MAP2: variants seen among roughly 807,000 people sequenced by gnomAD.
MAP2 encodes microtubule-associated protein 2.
In MAP2, 14 loss-of-function variants were observed where a neutral mutation model predicts 137.6. The ratio of observed to expected loss-of-function variants is 0.10; its 90% CI spans 0.07 to 0.16. The LOEUF is 0.16. Among genes scored for constraint, MAP2 ranks in the 10% least tolerant of loss-of-function variants. MAP2 has a pLI of 1.00. For synonymous variants in MAP2, 786 were observed against 782.3 expected, an observed-to-expected ratio of 1.00 and a Z score of -0.08; for missense variants, 2,088 against 2,191.5, an observed-to-expected ratio of 0.95 and a Z score of 0.94.
chr2:209,592,097 C>G (rs140473370), intron 3 of MAP2, among the ~76,000 whole-genome samples: 1 of 152,060 alleles, frequency 6.6e-6, no homozygotes, highest in South Asian at 2.1e-4. Flanking sequence ...GCCTTTTCAA[C>G]CTAATTTCTT....
At chr2:209,501,037 CAAA>C (rs34783349) in intron 1 of MAP2, among the ~76,000 whole-genome samples, 1 of 115,382 alleles carries the variant, frequency 8.7e-6, no homozygotes, top group Non-Finnish European at 1.7e-5. Context: ...GACCCTGTCT[CAAA>C]AAAAAAAAAA....
intron 5 of MAP2, among the ~76,000 whole-genome samples, chr2:209,661,264 G>A (rs1582673892): frequency 1.3e-5 from 2 of 152,126 alleles, no homozygotes; most frequent in Non-Finnish European, 2.9e-5. Context: ...TTAAAATATG[G>A]CCTATTCTAT....
chr2:209,513,479 A>C (rs2062017736), intron 2 of MAP2, among the ~76,000 whole-genome samples: 1 of 152,224 alleles, frequency 6.6e-6, no homozygotes, highest in Non-Finnish European at 1.5e-5. Context: ...TTCATTATAT[A>C]ACAAACAATT....
chr2:209,512,057 G>A (rs945569485), intron 2 of MAP2, among the ~76,000 whole-genome samples: 1 of 151,954 alleles, frequency 6.6e-6, no homozygotes, highest in African/African-American at 2.4e-5. Flanking sequence ...AGACTGCTAA[G>A]CTGCTTGTGG....
chr2:209,512,488 T>A (rs2061855161), intron 2 of MAP2, among the ~76,000 whole-genome samples: 2 of 148,644 alleles, frequency 1.3e-5, no homozygotes, highest in South Asian at 4.2e-4. Context: ...GAAAATAAAA[T>A]GAATGAGGAT....
intron 2 of MAP2, among the ~76,000 whole-genome samples, chr2:209,573,804 C>T (rs1056206442): frequency 2.0e-5 from 3 of 152,160 alleles, no homozygotes; most frequent in Non-Finnish European, 4.4e-5. Flanking sequence ...CCCCAAGCCT[C>T]TGGCAGCCAT....
chr2:209,722,852 T>C (rs1054257611), intron 13 of MAP2, among the ~76,000 whole-genome samples: 5 of 152,338 alleles, frequency 3.3e-5, no homozygotes, highest in African/African-American at 1.2e-4. Flanking sequence ...CTGTATGACC[T>C]AGTTACAAGT....
chr2:209,599,181 C>T (rs1396560316), intron 3 of MAP2, among the ~76,000 whole-genome samples: 5 of 151,866 alleles, frequency 3.3e-5, no homozygotes, highest in Admixed American at 3.3e-4. Flanking sequence ...TTTTGATTTG[C>T]ATTTCTCTGA....
intron 1 of MAP2, among the ~76,000 whole-genome samples, chr2:209,425,235 G>A (rs1426900173): frequency 1.3e-5 from 2 of 152,214 alleles, no homozygotes; most frequent in Non-Finnish European, 2.9e-5. Context: ...CAACAAGCCC[G>A]TTTGTGACAA....
At chr2:209,528,431 G>C (rs2064447055) in intron 2 of MAP2, among the ~76,000 whole-genome samples, 1 of 152,048 alleles carries the variant, frequency 6.6e-6, no homozygotes, top group Non-Finnish European at 1.5e-5. Context: ...AAATTTTTAT[G>C]TACTAAATCT....
chr2:209,532,650 C>T (rs2065303566), intron 2 of MAP2, among the ~76,000 whole-genome samples: 1 of 152,136 alleles, frequency 6.6e-6, no homozygotes, highest in African/African-American at 2.4e-5. Flanking sequence ...GGCCGTGTTT[C>T]GATGACCCTG....
At chr2:209,510,035 A>C (rs1200928313) in intron 2 of MAP2, among the ~76,000 whole-genome samples, 1 of 151,884 alleles carries the variant, frequency 6.6e-6, no homozygotes, top group Non-Finnish European at 1.5e-5. Flanking sequence ...TATTACAAAA[A>C]AAAAAAAAGT....
intron 2 of MAP2, among the ~76,000 whole-genome samples, chr2:209,509,077 G>A (rs1013310922): frequency 2.0e-5 from 3 of 151,690 alleles, no homozygotes; most frequent in African/African-American, 7.3e-5. Flanking sequence ...CTGTATGAGA[G>A]GTAAACTTTT....
intron 2 of MAP2, among the ~76,000 whole-genome samples, chr2:209,576,205 G>C (rs892455854): frequency 9.9e-5 from 15 of 152,112 alleles, no homozygotes; most frequent in African/African-American, 3.6e-4. Context: ...ATCAAAGTGA[G>C]AAAAGGAAGT....
At chr2:209,670,208 A>G (rs755570601) in intron 5 of MAP2, among the ~76,000 whole-genome samples, 3 of 152,028 alleles carry the variant, frequency 2.0e-5, no homozygotes, top group Non-Finnish European at 4.4e-5. Flanking sequence ...ATAAAATATT[A>G]CAACCTTAGT....
In MAP2 at chr2:209,733,022, T is replaced by C. The variant is rs1008518200; in HGVS notation, c.*2625T>C. 5 of 152,720 alleles carry C rather than the reference T, an allele frequency of 3.3e-5. No individual in the cohort carries two copies. The South Asian group carries it at 1.0e-3, about 32-fold the overall frequency. 9.5% of individuals were successfully genotyped at this position (152,720 alleles called of 1,614,324 possible). A position where few individuals can be genotyped will look rare whatever the true frequency, so the allele number is the denominator to read the frequency against. Reference sequence around the variant, plus strand: ...AAGATAACGACTCAAATTAAGCTTTTTGAGCACCACTCTTGTGGGGACACA... The same window carrying C: ...AAGATAACGACTCAAATTAAGCTTTCTGAGCACCACTCTTGTGGGGACACA... On this transcript the variant is annotated 3_prime_UTR_variant, in exon 16 of 16. Transcript: ENST00000682079.
chr2:209,704,709 A>G (rs1218273712), intron 11 of MAP2: 1 of 1,233,220 alleles, frequency 8.1e-7, no homozygotes, highest in African/African-American at 1.5e-5. Context: ...AATGTATGAA[A>G]GCAAATACTT....
intron 4 of MAP2, among the ~76,000 whole-genome samples, chr2:209,648,722 G>A (rs2094574088): frequency 6.7e-6 from 1 of 148,492 alleles, no homozygotes; most frequent in African/African-American, 2.5e-5. Context: ...TTGGGAGGTA[G>A]AGGTTGCAGT....
chr2:209,667,457 G>C (rs1327858798), intron 5 of MAP2, among the ~76,000 whole-genome samples: 1 of 151,920 alleles, frequency 6.6e-6, no homozygotes, highest in Non-Finnish European at 1.5e-5. Flanking sequence ...GAGAAACCAA[G>C]CTATTTTTAG....
Sources: allele counts gnomAD v4.1 joint callset (sites outside exome capture counted in the v4.1 genomes callset), GRCh38; gene constraint gnomAD v4.1.1; transcripts MANE v1.5; gene names NCBI Gene and HGNC (gene_info 2026-07-23, HGNC 2026-07-21).